Variants in ATXN10 observed in about 807,000 individuals in gnomAD.
ATXN10 encodes ataxin 10, also known as ataxin-10.
ATXN10 carries 28 observed loss-of-function variants against 52.9 expected under a neutral mutation model. The ratio of observed to expected loss-of-function variants is 0.53; its 90% CI spans 0.39 to 0.73. The LOEUF is 0.73. Ranked by LOEUF, ATXN10 falls within the 30% of genes least tolerant of loss-of-function variation. ATXN10 has a pLI of 0.00. For missense variants in ATXN10, 565 were observed against 577.0 expected (o/e 0.98, Z 0.21); for synonymous variants, 226 against 221.5 (o/e 1.02, Z -0.18).
At chr22:45,719,776 T>G (rs931997829) in intron 6 of ATXN10, among the ~76,000 whole-genome samples, 1 of 152,224 alleles carries the variant, frequency 6.6e-6, no homozygotes, top group African/African-American at 2.4e-5. Context: ...TCTGCTCAGT[T>G]GTCACCTCCT....
rs74268525 is a variant in ATXN10, at chr22:45,740,679, T to TACACAC, written c.1173+177_1173+182dup. 1,188 of 391,934 alleles carry TACACAC rather than the reference T, an allele frequency of 3.0e-3. 9 individuals carry two copies. The highest frequency in any genetic ancestry group is 0.016 in the East Asian group (289 of 17,928). The allele number at this position is 391,934 out of a possible 1,614,324, so 24.3% of individuals were successfully genotyped here. On this transcript the variant is annotated intron_variant, in intron 9 of 11. Transcript: ENST00000252934. The stretch of plus-strand genomic sequence containing the variant: ...TAGAGAGATATATATTTTATATGAA[T>TACACAC]ACACACACACACACACACACACACA...
At chr22:45,761,391 C>G (rs991404343) in intron 9 of ATXN10, among the ~76,000 whole-genome samples, 1 of 152,364 alleles carries the variant, frequency 6.6e-6, no homozygotes, top group Admixed American at 6.5e-5. Context: ...TCCGGGCCCA[C>G]AGTGAGTGCT....
chr22:45,719,836 C>T (rs890359800), intron 6 of ATXN10, among the ~76,000 whole-genome samples: 5 of 152,124 alleles, frequency 3.3e-5, no homozygotes. Context: ...GTCATTTCAT[C>T]ACATCATTCA....
Position 45,738,713 on chromosome 22 carries a change from GT to G in ATXN10, c.895-14del. On this transcript the variant is annotated splice_polypyrimidine_tract_variant and intron_variant, in intron 7 of 11. Transcript: ENST00000252934. Reference sequence around the variant, plus strand: ...CTCTTAAAATATGCTAAAAAGTTATGTTTTCTTTTCTTTCTAGGAGGCACTG... The same window carrying G: ...CTCTTAAAATATGCTAAAAAGTTATGTTTCTTTTCTTTCTAGGAGGCACTG... 1 of 1,595,130 alleles carries G rather than the reference GT, an allele frequency of 6.3e-7. No individual in the cohort carries two copies. The highest frequency in any genetic ancestry group is 8.6e-7 in the Non-Finnish European group (1 of 1,163,578).
intron 9 of ATXN10, among the ~76,000 whole-genome samples, chr22:45,752,812 C>T (rs1373428014): frequency 6.6e-6 from 1 of 151,950 alleles, no homozygotes; most frequent in Admixed American, 6.6e-5. Flanking sequence ...GATCTCGACG[C>T]AACCTCCGCC....
Position 45,766,379 on chromosome 22 carries a change from T to G in ATXN10, c.1173+25841T>G, listed in dbSNP as rs1926581732. Among the ~76,000 whole-genome samples the G allele has an allele frequency of 6.6e-6, 1 of 151,924 alleles. No homozygotes were observed. On this transcript the variant is annotated intron_variant, in intron 9 of 11. Transcript: ENST00000252934. This position sits in a 1 kb window ranked among gnomAD's most constrained non-coding sequence, Gnocchi z 4.6. ...TCTATGAGAATCTAATGCCTAATGATCTGAGGTGGAACAGTTTCATCCTGA... is the reference window on the plus strand; with the variant it reads ...TCTATGAGAATCTAATGCCTAATGAGCTGAGGTGGAACAGTTTCATCCTGA...
intron 7 of ATXN10, among the ~76,000 whole-genome samples, chr22:45,734,875 T>TTAA (rs1925230818): frequency 6.8e-6 from 1 of 148,074 alleles, no homozygotes; most frequent in Non-Finnish European, 1.5e-5. Context: ...GGTTATATTA[T>TTAA]TATTATTATT....
At position 45,824,630 on chromosome 22, in the gene ATXN10, A is replaced by C. The variant is rs1928759297; in HGVS notation, c.1237+17608A>C. Among the ~76,000 whole-genome samples, 4 of 152,244 alleles carry C rather than the reference A, an allele frequency of 2.6e-5. No individual in the cohort carries two copies. The South Asian group carries it at 8.3e-4, about 31-fold the overall frequency. The stretch of plus-strand genomic sequence containing the variant: ...TGGCATCAGATGCTAGTTGGGAACA[A>C]TGACTTACAAAGTGCAGTAAACACA... On this transcript the variant is annotated intron_variant, in intron 10 of 11. Coordinates refer to ENST00000252934, the MANE Select transcript of ATXN10 (RefSeq NM_013236.4). The surrounding 1 kb of genome is among the most constrained non-coding windows in gnomAD (Gnocchi z 5.2).
chr22:45,725,721 G>A (rs573263417), intron 6 of ATXN10, among the ~76,000 whole-genome samples: 4 of 152,252 alleles, frequency 2.6e-5, no homozygotes, highest in African/African-American at 9.6e-5. Context: ...AGTGGTGAAA[G>A]TGGACATCCT....
intron 10 of ATXN10, among the ~76,000 whole-genome samples, chr22:45,831,808 G>C (rs908674321): frequency 6.6e-6 from 1 of 152,120 alleles, no homozygotes; most frequent in African/African-American, 2.4e-5. Context: ...CCCCCTCATT[G>C]GCGAAAGGAT....
intron 9 of ATXN10, among the ~76,000 whole-genome samples, chr22:45,802,064 G>A (rs1927947846): frequency 6.6e-6 from 1 of 152,220 alleles, no homozygotes; most frequent in Admixed American, 6.5e-5. Flanking sequence ...TGTACCCTTA[G>A]CGGAGTGCCT....
chr22:45,825,864 G>A lies in ATXN10; in HGVS notation c.1238-17127G>A, dbSNP rs141128191. Among the ~76,000 whole-genome samples, 19 of 152,286 alleles carry A rather than the reference G, an allele frequency of 1.2e-4. No individual in the cohort carries two copies. The highest frequency in any genetic ancestry group is 4.6e-4 in the African/African-American group (19 of 41,554). On this transcript the variant is annotated intron_variant, in intron 10 of 11. Coordinates refer to ENST00000252934, the MANE Select transcript of ATXN10 (RefSeq NM_013236.4). This position sits in a 1 kb window ranked among gnomAD's most constrained non-coding sequence, Gnocchi z 4.5. ...CAGGGCAGATGGCTTGAGCTCAGGA[G>A]TTTGAGACCAGCCTGGTAACATGGC...
chr22:45,802,307 GAAAC>G lies in ATXN10; in HGVS notation c.1174-4645_1174-4642del, dbSNP rs199844609. 7.9e-5 allele frequency among the ~76,000 whole-genome samples: 12 copies of G among 152,282 alleles called. No homozygotes were observed. In the East Asian group the frequency reaches 2.1e-3, roughly 27 times the overall value. On this transcript the variant is annotated intron_variant, in intron 9 of 11. Coordinates refer to ENST00000252934, the MANE Select transcript of ATXN10 (RefSeq NM_013236.4). Reference sequence around the variant, plus strand: ...AATCAACTCCCAACATGTTAGTAAAGAAACAAACAACTTTCTTGTTTAATGAAGT... The same window carrying G: ...AATCAACTCCCAACATGTTAGTAAAGAAACAACTTTCTTGTTTAATGAAGT...
chr22:45,783,386 T>C lies in ATXN10; in HGVS notation c.1174-23573T>C, dbSNP rs1569062764. Among the ~76,000 whole-genome samples, 1 of 152,240 alleles carries C rather than the reference T, an allele frequency of 6.6e-6. No homozygotes were observed. Among genetic ancestry groups the C allele is most frequent in the Non-Finnish European group, 1.5e-5 (1 of 68,036 alleles). On this transcript the variant is annotated intron_variant, in intron 9 of 11. Transcript: ENST00000252934. The surrounding 1 kb of genome is among the most constrained non-coding windows in gnomAD (Gnocchi z 5.0). The stretch of plus-strand genomic sequence containing the variant: ...TTTCAGACCACGGGTAACTGAAAAT[T>C]GCAAAACGTGAATCCTTGAATGAGG...
intron 9 of ATXN10, among the ~76,000 whole-genome samples, chr22:45,804,844 C>T (rs1430189206): frequency 1.3e-5 from 2 of 152,156 alleles, no homozygotes; most frequent in African/African-American, 4.8e-5. Context: ...CTGTGGATAA[C>T]CATTATTTGT....
chr22:45,671,905 G>T lies in ATXN10; in HGVS notation c.-159G>T. On this transcript the variant is annotated 5_prime_UTR_variant, in exon 1 of 12. Transcript: ENST00000252934. ...CTCTCCGGCGGCGGCGCAGCTTCAG[G>T]GCAGCGCGGGCTGCAGCGGCGGCGG... is the stretch of plus-strand genomic sequence containing the variant. The T allele has an allele frequency of 1.3e-6, 1 of 776,492 alleles. No individual in the cohort carries two copies. Among genetic ancestry groups the T allele is most frequent in the Non-Finnish European group, 2.0e-6 (1 of 507,458 alleles). The allele number at this position is 776,492 out of a possible 1,614,324, so 48.1% of individuals were successfully genotyped here.
chr22:45,677,910 T>A lies in ATXN10; in HGVS notation c.116+5731T>A, dbSNP rs189335452. 2.0e-5 allele frequency: 3 copies of A among 152,296 alleles called. No individual in the cohort carries two copies. The highest frequency in any genetic ancestry group is 2.0e-4 in the Admixed American group (3 of 15,290). 9.4% of individuals were successfully genotyped at this position (152,296 alleles called of 1,614,324 possible). ...CTATGGAAAATAATTTGGTGGGTCCTCAAAAAGCTAAACATGGAATATGAC... is the reference window on the plus strand; with the variant it reads ...CTATGGAAAATAATTTGGTGGGTCCACAAAAAGCTAAACATGGAATATGAC... On this transcript the variant is annotated intron_variant, in intron 1 of 11. Coordinates refer to ENST00000252934, the MANE Select transcript of ATXN10 (RefSeq NM_013236.4). The surrounding 1 kb of genome is among the most constrained non-coding windows in gnomAD (Gnocchi z 4.1).
chr22:45,843,724 A>G lies in ATXN10; in HGVS notation c.*53A>G. 6.4e-7 allele frequency: 1 copy of G among 1,558,238 alleles called. No homozygotes were observed. Among genetic ancestry groups the G allele is most frequent in the African/African-American group, 1.4e-5 (1 of 74,050 alleles). The stretch of plus-strand genomic sequence containing the variant: ...TTGGAATCTGTTTCATGGATTTTTC[A>G]TCTTCTACCGTATGTGAAATTGCAA... On this transcript the variant is annotated 3_prime_UTR_variant, in exon 12 of 12. Coordinates refer to ENST00000252934, the MANE Select transcript of ATXN10 (RefSeq NM_013236.4). This position sits in a 1 kb window ranked among gnomAD's most constrained non-coding sequence, Gnocchi z 4.5.
intron 10 of ATXN10, among the ~76,000 whole-genome samples, chr22:45,812,662 A>G (rs1928321057): frequency 6.6e-6 from 1 of 152,226 alleles, no homozygotes; most frequent in Admixed American, 6.5e-5. Flanking sequence ...AAAAAGCAAT[A>G]GATATTTTGG....
Sources: gnomAD v4.1 joint callset for allele counts (sites outside exome capture counted in the v4.1 genomes callset) on GRCh38, gnomAD v4.1.1 for gene constraint, Gnocchi (gnomAD v3.1) non-coding constraint, MANE v1.5 for transcripts, NCBI Gene and HGNC (gene_info 2026-07-23, HGNC 2026-07-21) for gene names.